The following EPC2 variants were observed in gnomAD, a reference collection of about 807,000 sequenced individuals.
EPC2 encodes enhancer of polycomb 2.
Under a neutral mutation model 92.1 loss-of-function variants are expected in EPC2, and 14 were observed. That is an observed-to-expected ratio of 0.15 (90% confidence interval 0.10 to 0.24). The LOEUF is 0.24. Ranked by LOEUF, EPC2 falls within the 10% of genes least tolerant of loss-of-function variation. The pLI is 1.00. For synonymous variants in EPC2, 340 were observed against 334.7 expected (o/e 1.02, Z -0.17); for missense variants, 755 against 971.5 (o/e 0.78, Z 2.96).
chr2:148,646,523 A>G (rs919182468), intron 1 of EPC2, among the ~76,000 whole-genome samples: 6 of 152,106 alleles, frequency 3.9e-5, no homozygotes, highest in African/African-American at 1.4e-4. Context: ...GCATATATAT[A>G]AATATGTTTA....
At chr2:148,752,441 A>G (rs143161466) in intron 3 of EPC2, among the ~76,000 whole-genome samples, 20 of 152,302 alleles carry the variant, frequency 1.3e-4, no homozygotes, top group Admixed American at 5.2e-4. Context: ...AATGGTAGAA[A>G]GGTATCCACT....
At chr2:148,665,277 A>G (rs1338504690) in intron 1 of EPC2, among the ~76,000 whole-genome samples, 1 of 152,236 alleles carries the variant, frequency 6.6e-6, no homozygotes, top group Non-Finnish European at 1.5e-5. Context: ...AATTTTAGAA[A>G]TGACTTTGTA....
At chr2:148,652,780 G>A (rs1021839669) in intron 1 of EPC2, among the ~76,000 whole-genome samples, 1 of 152,134 alleles carries the variant, frequency 6.6e-6, no homozygotes, top group African/African-American at 2.4e-5. Flanking sequence ...TATGAGGATC[G>A]ATTATATTCG....
At chr2:148,716,290 T>A (rs969317784) in intron 2 of EPC2, among the ~76,000 whole-genome samples, 5 of 152,192 alleles carry the variant, frequency 3.3e-5, no homozygotes, top group Non-Finnish European at 1.5e-5. Context: ...AGGGCATGCA[T>A]CTTTGTCTTG....
intron 1 of EPC2, among the ~76,000 whole-genome samples, chr2:148,665,884 G>T (rs1226861703): frequency 6.6e-6 from 1 of 152,014 alleles, no homozygotes; most frequent in East Asian, 1.9e-4. Flanking sequence ...TAGTAAATGG[G>T]CACTTATCTG....
At chr2:148,691,705 G>A (rs1247872356) in intron 2 of EPC2, 1 of 1,282,410 alleles carries the variant, frequency 7.8e-7, no homozygotes, top group East Asian at 2.5e-5. Flanking sequence ...CACAGTATTA[G>A]CTTTAATTTA....
chr2:148,709,100 T>C (rs943841026), intron 2 of EPC2, among the ~76,000 whole-genome samples: 1 of 152,116 alleles, frequency 6.6e-6, no homozygotes, highest in African/African-American at 2.4e-5. Context: ...AAAACCCCAT[T>C]GTCTCAGCCC....
chr2:148,668,873 GTTTTATA>G (rs983474479), intron 1 of EPC2, among the ~76,000 whole-genome samples: 2 of 151,816 alleles, frequency 1.3e-5, no homozygotes, highest in African/African-American at 4.8e-5. Context: ...TGGATTTTCT[GTTTTATA>G]TTTTATTGAT....
intron 2 of EPC2, among the ~76,000 whole-genome samples, chr2:148,708,605 G>T (rs1227577672): frequency 1.3e-5 from 2 of 152,148 alleles, no homozygotes; most frequent in Non-Finnish European, 2.9e-5. Flanking sequence ...ATAAAATACT[G>T]GCAAACTGAA....
chr2:148,749,504 A>C (rs973774096), intron 3 of EPC2, among the ~76,000 whole-genome samples: 4 of 151,300 alleles, frequency 2.6e-5, no homozygotes, highest in Non-Finnish European at 5.9e-5. Context: ...ATCATGCAGC[A>C]TTTTAATTGT....
chr2:148,720,882 T>G (rs915676169), intron 2 of EPC2, among the ~76,000 whole-genome samples: 2 of 152,196 alleles, frequency 1.3e-5, no homozygotes, highest in Admixed American at 1.3e-4. Flanking sequence ...CTCGCCGCTT[T>G]CGTTCCTCTC....
At chr2:148,756,230 T>G (rs1683187760) in intron 4 of EPC2, among the ~76,000 whole-genome samples, 2 of 152,244 alleles carry the variant, frequency 1.3e-5, no homozygotes, top group African/African-American at 4.8e-5. Flanking sequence ...CATTTTCCTC[T>G]GCAAAGAGGT....
chr2:148,766,919 C>T (rs1452809774), intron 7 of EPC2, among the ~76,000 whole-genome samples: 1 of 152,148 alleles, frequency 6.6e-6, no homozygotes, highest in Non-Finnish European at 1.5e-5. Flanking sequence ...CATTGTGGCT[C>T]ATGCCTGTAA....
In EPC2 at chr2:148,690,249, A is replaced by C; in HGVS notation, c.189A>C (p.Gln63His). Residue 63 changes from glutamine to histidine, a missense_variant, in exon 2 of 14, where the codon CAA becomes CAC. Physicochemically the swap from Gln to His is conservative, Grantham distance 24. Around this residue, in one of 4 missense-constraint regions of EPC2, gnomAD observed 509 missense variants for 607.7 expected, o/e 0.84. Transcript: ENST00000258484. Reference protein sequence around the residue: ...HHLQRAISAQQVFREKKESMV... With the variant: ...HHLQRAISAQHVFREKKESMV... ...TACAGCGAGCAATTTCAGCACAGCA[A>C]GTGTTTAGAGAAAAAAAAGAGAGTA... The C allele has an allele frequency of 6.2e-7, 1 of 1,607,436 alleles. No homozygotes were observed. The highest frequency in any genetic ancestry group is 8.5e-7 in the Non-Finnish European group (1 of 1,178,178).
chr2:148,645,933 TG>T, intron 1 of EPC2, among the ~76,000 whole-genome samples: 1 of 152,380 alleles, frequency 6.6e-6, no homozygotes, highest in Non-Finnish European at 1.5e-5. Flanking sequence ...CATTGCGAGG[TG>T]GTCCTTAGAA....
chr2:148,662,259 C>T (rs537123306), intron 1 of EPC2, among the ~76,000 whole-genome samples: 23 of 152,126 alleles, frequency 1.5e-4, no homozygotes, highest in African/African-American at 4.3e-4. Context: ...GTCAGTGTGG[C>T]GATTCCTCAG....
intron 4 of EPC2, 22 bp from the exon 5 acceptor site, chr2:148,761,760 C>T (rs941001025): frequency 1.4e-6 from 2 of 1,424,906 alleles, no homozygotes; most frequent in East Asian, 2.7e-5. Flanking sequence ...GTTTATTCTT[C>T]TAAAATTATT....
At chr2:148,731,866 C>T (rs1195457531) in intron 2 of EPC2, among the ~76,000 whole-genome samples, 1 of 152,108 alleles carries the variant, frequency 6.6e-6, no homozygotes, top group Non-Finnish European at 1.5e-5. Flanking sequence ...TCTTTGCTCC[C>T]CTTGACAGTC....
chr2:148,766,444 T>C (rs1683409247), intron 7 of EPC2, among the ~76,000 whole-genome samples: 1 of 152,240 alleles, frequency 6.6e-6, no homozygotes, highest in Admixed American at 6.5e-5. Flanking sequence ...TAATTTTATA[T>C]TCCCTTCAGG....
Sources: gnomAD v4.1 joint callset for allele counts (sites outside exome capture counted in the v4.1 genomes callset) on GRCh38, gnomAD v4.1.1 for gene constraint, gnomAD v4.1.1 regional missense constraint, MANE v1.5 for transcripts, NCBI Gene and HGNC (gene_info 2026-07-23, HGNC 2026-07-21) for gene names.